Variants in ELF3 observed in about 807,000 individuals in gnomAD.
The protein encoded by ELF3 is ETS-related transcription factor Elf-3.
A neutral mutation model predicts 43.9 loss-of-function variants in ELF3; 18 were observed. That is an observed-to-expected ratio of 0.41 (90% CI 0.28 to 0.61). The LOEUF (loss-of-function observed/expected upper bound fraction) is 0.61. Ranked by LOEUF, ELF3 falls within the 20% of genes least tolerant of loss-of-function variation. The probability of loss-of-function intolerance (pLI) is 0.30; values close to 1 mark genes in which losing one functional copy is unlikely to be tolerated. For synonymous variants in ELF3, 181 were observed against 190.2 expected, an observed-to-expected ratio of 0.95 and a Z score of 0.40; for missense variants, 373 against 487.7, an observed-to-expected ratio of 0.76 and a Z score of 2.21.
At chr1:202,011,930 G>C in intron 2 of ELF3, 27 bp from the exon 3 acceptor site, 1 of 1,608,642 alleles carries the variant, frequency 6.2e-7, no homozygotes, top group Non-Finnish European at 8.5e-7. Context: ...CCTGAGCTGA[G>C]CCTGTTTCCC....
In ELF3 at chr1:202,010,934, C is replaced by T. The variant is rs12085833; in HGVS notation, c.-8-195C>T. 1 of 580,486 alleles carries T rather than the reference C, an allele frequency of 1.7e-6. No homozygotes were observed. The allele number at this position is 580,486 out of a possible 1,614,324, so 36.0% of individuals were successfully genotyped here. ...CAGAGATCTGAGGAGGGAAGCCCAG[C>T]TGGAGGCTCCTGTGGTCCTGCCCTG... On this transcript the variant is annotated intron_variant, in intron 1 of 8. Coordinates refer to ENST00000367284, the MANE Select transcript of ELF3 (RefSeq NM_004433.5). The surrounding 1 kb of genome is among the most constrained non-coding windows in gnomAD (Gnocchi z 4.3).
At chr1:202,014,138 T>TA in intron 8 of ELF3, 114 bp downstream of exon 8, 1 of 1,251,904 alleles carries the variant, frequency 8.0e-7, no homozygotes, top group Non-Finnish European at 1.1e-6. Flanking sequence ...GCTGAGTCCT[T>TA]AGAGTGAGGA....
In ELF3 at chr1:202,012,839, G is replaced by C. The variant is rs1435228114; in HGVS notation, c.598+80G>C. ...TCTGGCTCCCAGCACCATAACTCAG[G>C]CCTTCTGGCAGGAACAGGAACAGGC... On this transcript the variant is annotated intron_variant, in intron 5 of 8. Transcript: ENST00000367284. The surrounding 1 kb of genome is among the most constrained non-coding windows in gnomAD (Gnocchi z 4.2). 5 of 1,538,288 alleles carry C rather than the reference G, an allele frequency of 3.3e-6. No individual in the cohort carries two copies. The Admixed American group carries it at 8.0e-5, about 25-fold the overall frequency.
chr1:202,013,657 C>A lies in ELF3; in HGVS notation c.806-172C>A. 1.4e-6 allele frequency: 1 copy of A among 739,516 alleles called. No individual in the cohort carries two copies. Among genetic ancestry groups the A allele is most frequent in the Non-Finnish European group, 2.2e-6 (1 of 453,474 alleles). 45.8% of individuals were successfully genotyped at this position (739,516 alleles called of 1,614,324 possible). On this transcript the variant is annotated intron_variant, in intron 7 of 8. Coordinates refer to ENST00000367284, the MANE Select transcript of ELF3 (RefSeq NM_004433.5). The surrounding 1 kb of genome is among the most constrained non-coding windows in gnomAD (Gnocchi z 5.7). ...AGGCAGCTGGTGGGTCTTAGGTGGG[C>A]TGAGGAGAAAAGCAGTCACTGCAGT...
chr1:202,013,273 T>C lies in ELF3; in HGVS notation c.780T>C (p.Cys260=). The C allele has an allele frequency of 6.2e-7, 1 of 1,613,942 alleles. No individual in the cohort carries two copies. Reference sequence around the variant, plus strand: ...AGCTGAGCAAAGAGTACTGGGACTGTCTCGAGGGCAAGAAGAGCAAGCACG... The same window carrying C: ...AGCTGAGCAAAGAGTACTGGGACTGCCTCGAGGGCAAGAAGAGCAAGCACG... ...PRKLSKEYWD[C]LEGKKSKHAP... Residue 260 remains cysteine (C), a synonymous_variant, in exon 7 of 9, where the codon TGT becomes TGC. Transcript: ENST00000367284. The surrounding 1 kb of genome is among the most constrained non-coding windows in gnomAD (Gnocchi z 5.7).
chr1:202,012,924 C>A lies in ELF3; in HGVS notation c.599-23C>A. On this transcript the variant is annotated intron_variant, in intron 5 of 8. Transcript: ENST00000367284. The surrounding 1 kb of genome is among the most constrained non-coding windows in gnomAD (Gnocchi z 4.2). ...GAGCAGAGGGTGGGCCGGCAGGGGACTTACTCTGACCCCGCCCCCCAGGGA... is the reference window on the plus strand; with the variant it reads ...GAGCAGAGGGTGGGCCGGCAGGGGAATTACTCTGACCCCGCCCCCCAGGGA... 6.3e-7 allele frequency: 1 copy of A among 1,596,920 alleles called. No homozygotes were observed. The highest frequency in any genetic ancestry group is 8.5e-7 in the Non-Finnish European group (1 of 1,172,348).
At position 202,016,904 on chromosome 1, in the gene ELF3, G is replaced by T. The variant is rs1435731710; in HGVS notation, c.*1581G>T. 1 of 152,214 alleles carries T rather than the reference G, an allele frequency of 6.6e-6. No individual in the cohort carries two copies. The highest frequency in any genetic ancestry group is 1.5e-5 in the Non-Finnish European group (1 of 68,050). The allele number at this position is 152,214 out of a possible 1,614,324, so 9.4% of individuals were successfully genotyped here. A position where few individuals can be genotyped will look rare whatever the true frequency, so the allele number is the denominator to read the frequency against. ...TCTGTCCTAAAACCGTTTCCCGGAA[G>T]CTTTTCCTGGTGTGGGCGCTTCTAA... On this transcript the variant is annotated 3_prime_UTR_variant, in exon 9 of 9. Transcript: ENST00000367284.
Position 202,013,799 on chromosome 1 carries a change from A to G in ELF3, c.806-30A>G, listed in dbSNP as rs771304835. On this transcript the variant is annotated intron_variant, in intron 7 of 8. Transcript: ENST00000367284. The surrounding 1 kb of genome is among the most constrained non-coding windows in gnomAD (Gnocchi z 5.7). ...GCCTTGGGTGAGAGGGGACACCTGG[A>G]TGGCAAACTGATGGAGGCTGGCCTT... 16 of 1,592,072 alleles carry G rather than the reference A, an allele frequency of 1.0e-5. No homozygotes were observed. In the Admixed American group the frequency reaches 2.6e-4, roughly 26 times the overall value.
intron 2 of ELF3, 64 bp from the exon 3 acceptor site, chr1:202,011,893 A>T (rs1684204810): frequency 6.6e-7 from 1 of 1,504,064 alleles, no homozygotes; most frequent in Admixed American, 2.1e-5. Context: ...AAAAAAAAAA[A>T]ATGGGGCTGT....
In ELF3 at chr1:202,012,021, C is replaced by T. The variant is rs773768272; in HGVS notation, c.228C>T (p.Ile76=). ...FWSKTQVLDW[I]SYQVEKNKYD... ...CGAAGACGCAGGTTCTGGACTGGAT[C>T]AGCTACCAAGTGGAGAAGAACAAGT... is the stretch of plus-strand genomic sequence containing the variant. The change falls in exon 3 of 9, where the codon ATC becomes ATT. Residue 76 remains isoleucine (I), a synonymous_variant. Coordinates refer to ENST00000367284, the MANE Select transcript of ELF3 (RefSeq NM_004433.5). The surrounding 1 kb of genome is among the most constrained non-coding windows in gnomAD (Gnocchi z 4.2). The T allele has an allele frequency of 1.9e-6, 3 of 1,614,192 alleles. No homozygotes were observed. The highest frequency in any genetic ancestry group is 3.3e-5 in the Admixed American group (2 of 60,024).
intron 8 of ELF3, among the ~76,000 whole-genome samples, chr1:202,014,258 C>T (rs932875576): frequency 6.6e-4 from 101 of 152,326 alleles, no homozygotes; most frequent in African/African-American, 2.2e-3. Context: ...TTTCTTGTAT[C>T]GCCTGTGAGG....
rs186572343 is a variant in ELF3, at chr1:202,015,003, C to T, written c.1002-206C>T. On this transcript the variant is annotated intron_variant, in intron 8 of 8. Coordinates refer to ENST00000367284, the MANE Select transcript of ELF3 (RefSeq NM_004433.5). ...GGCAAAGAGCCCTGTGTCCTGGGCA[C>T]GGTTACAGGCCAGTGTAGGGAAAGA... 1.9e-3 allele frequency: 1,039 copies of T among 544,764 alleles called. 3 individuals are homozygous for T. The highest frequency in any genetic ancestry group is 2.6e-3 in the Non-Finnish European group (791 of 301,510). 33.7% of individuals were successfully genotyped at this position (544,764 alleles called of 1,614,324 possible). A position where few individuals can be genotyped will look rare whatever the true frequency, so the allele number is the denominator to read the frequency against.
At chr1:202,015,031 T>G (rs567810321) in intron 8 of ELF3, 178 bp from the exon 9 acceptor site, 3 of 584,444 alleles carry the variant, frequency 5.1e-6, no homozygotes, top group African/African-American at 3.8e-5. Flanking sequence ...GGGAAAGAGC[T>G]TCTGCTTGCC....
At position 202,013,035 on chromosome 1, in the gene ELF3, C is replaced by T. The variant is rs150861098; in HGVS notation, c.687C>T (p.Ser229=). 68 of 1,612,472 alleles carry T rather than the reference C, an allele frequency of 4.2e-5. No individual in the cohort carries two copies. Among genetic ancestry groups the T allele is most frequent in the African/African-American group, 3.6e-4 (27 of 75,006 alleles). Residue 229 remains serine, a splice_region_variant and synonymous_variant, in exon 6 of 9, where the codon AGC becomes AGT. Transcript: ENST00000367284. The surrounding 1 kb of genome is among the most constrained non-coding windows in gnomAD (Gnocchi z 5.7). ...CCACTGATGGCAAGCTCTTCCCCAG[C>T]GGTGAGTCGAGGGAGGTCCCCAAGA... The part of the protein sequence containing the change: ...LDPTDGKLFP[S]DGFRDCKKGD...
chr1:202,011,726 A>G, intron 2 of ELF3: 1 of 553,986 alleles, frequency 1.8e-6, no homozygotes, highest in East Asian at 3.1e-5. Context: ...ACAAAAAAAA[A>G]TTTATCCCAG....
rs937324762 is a variant in ELF3, at chr1:202,013,382, C to T, written c.805+84C>T. ...CTGCGGGTTGTTGCAGGTATCCCTT[C>T]TCCCGTTTTCTCTGGCCTCCGCATG... On this transcript the variant is annotated intron_variant, in intron 7 of 8. Coordinates refer to ENST00000367284, the MANE Select transcript of ELF3 (RefSeq NM_004433.5). This position sits in a 1 kb window ranked among gnomAD's most constrained non-coding sequence, Gnocchi z 5.7. 7.3e-7 allele frequency: 1 copy of T among 1,376,314 alleles called. No homozygotes were observed. The highest frequency in any genetic ancestry group is 1.0e-6 in the Non-Finnish European group (1 of 984,770). The allele number at this position is 1,376,314 out of a possible 1,614,324, so 85.3% of individuals were successfully genotyped here.
Position 202,013,373 on chromosome 1 carries a change from G to A in ELF3, c.805+75G>A. 1 of 1,465,490 alleles carries A rather than the reference G, an allele frequency of 6.8e-7. No homozygotes were observed. The highest frequency in any genetic ancestry group is 1.2e-5 in the South Asian group (1 of 83,616). The allele number at this position is 1,465,490 out of a possible 1,614,324, so 90.8% of individuals were successfully genotyped here. A position where few individuals can be genotyped will look rare whatever the true frequency, so the allele number is the denominator to read the frequency against. On this transcript the variant is annotated intron_variant, in intron 7 of 8. Transcript: ENST00000367284. The surrounding 1 kb of genome is among the most constrained non-coding windows in gnomAD (Gnocchi z 5.7). ...CCTGGGGCACTGCGGGTTGTTGCAG[G>A]TATCCCTTCTCCCGTTTTCTCTGGC...
rs1168745542 is a variant in ELF3, at chr1:202,016,917, TGGGC to T, written c.*1596_*1599del. On this transcript the variant is annotated 3_prime_UTR_variant, in exon 9 of 9. Transcript: ENST00000367284. ...CGTTTCCCGGAAGCTTTTCCTGGTG[TGGGC>T]GCTTCTAACCTAATCCTCAATCGAT... 1 of 152,244 alleles carries T rather than the reference TGGGC, an allele frequency of 6.6e-6. No homozygotes were observed. Among genetic ancestry groups the T allele is most frequent in the Non-Finnish European group, 1.5e-5 (1 of 68,046 alleles). 9.4% of individuals were successfully genotyped at this position (152,244 alleles called of 1,614,324 possible).
In ELF3 at chr1:202,012,352, T is replaced by C. The variant is rs1684221842; in HGVS notation, c.394T>C (p.Ser132Pro). The C allele has an allele frequency of 1.2e-6, 2 of 1,614,076 alleles. No homozygotes were observed. The highest frequency in any genetic ancestry group is 1.7e-6 in the Non-Finnish European group (2 of 1,179,988). The change falls in exon 4 of 9, where the codon TCT (serine) becomes CCT (proline). Residue 132 changes from serine to proline, a missense_variant. Around this residue, in one of 3 missense-constraint regions of ELF3, gnomAD observed 311 missense variants for 351.2 expected, o/e 0.89. Transcript: ENST00000367284. The surrounding 1 kb of genome is among the most constrained non-coding windows in gnomAD (Gnocchi z 4.2). The stretch of plus-strand genomic sequence containing the variant: ...CCTTCCTTCCTTGTCAGCTTCCAGC[T>C]CTTCTGATGAGCTCAGTTGGATCAT... ...HAQLRDLTSS[S>P]SDELSWIIEL...
Sources: gnomAD v4.1 joint callset for allele counts (sites outside exome capture counted in the v4.1 genomes callset) on GRCh38, gnomAD v4.1.1 for gene constraint, gnomAD v4.1.1 regional missense constraint, Gnocchi (gnomAD v3.1) non-coding constraint, MANE v1.5 for transcripts, NCBI Gene and HGNC (gene_info 2026-07-23, HGNC 2026-07-21) for gene names.